Variants in GGACT observed in about 807,000 individuals in gnomAD.
GGACT encodes gamma-glutamylamine cyclotransferase, also known as gamma-glutamylaminecyclotransferase.
For synonymous variants in GGACT, 118 were observed against 115.3 expected (o/e 1.02, Z -0.15); for missense variants, 241 against 233.2 (o/e 1.03, Z -0.22).
At chr13:100,543,196 G>GTTTTTT (rs1566530390) in intron 2 of GGACT, among the ~76,000 whole-genome samples, 7 of 63,660 alleles carry the variant, frequency 1.1e-4, no homozygotes, top group Admixed American at 1.6e-4. Flanking sequence ...AAAGACACCA[G>GTTTTTT]CTTTTTTTTT....
intron 2 of GGACT, among the ~76,000 whole-genome samples, chr13:100,547,030 G>A (rs1003562679): frequency 2.0e-5 from 3 of 152,218 alleles, no homozygotes; most frequent in African/African-American, 7.2e-5. Context: ...TGGGCCTTCA[G>A]GCTGTTGGGA....
intron 2 of GGACT, among the ~76,000 whole-genome samples, chr13:100,554,400 T>G (rs1273869943): frequency 6.6e-6 from 1 of 152,130 alleles, no homozygotes; most frequent in Non-Finnish European, 1.5e-5. Context: ...TTTATTGCAT[T>G]AGAAAAAGTG....
chr13:100,543,688 T>G (rs1434712811), intron 2 of GGACT, among the ~76,000 whole-genome samples: 2 of 152,212 alleles, frequency 1.3e-5, no homozygotes, highest in African/African-American at 4.8e-5. Flanking sequence ...AGTTGGCAAG[T>G]TAAGACTTTG....
rs962543165 is a variant in GGACT at position 100,531,479 on chromosome 13, A to G, written c.*651T>C. ...TGGGTGTTCATTATTTTGCTAGATC[A>G]GAATGTAAAGAACCTTCTACCAAAT... On this transcript the variant is annotated 3_prime_UTR_variant, in exon 3 of 3. Transcript: ENST00000683975. 2.0e-5 allele frequency: 3 copies of G among 152,254 alleles called. No individual in the cohort carries two copies. Among genetic ancestry groups the G allele is most frequent in the African/African-American group, 7.2e-5 (3 of 41,468 alleles). The allele number at this position is 152,254 out of a possible 1,614,324, so 9.4% of individuals were successfully genotyped here. A position where few individuals can be genotyped will look rare whatever the true frequency, so the allele number is the denominator to read the frequency against.
rs944535111 is a variant in GGACT, at chr13:100,545,747, G to A, written c.-10-13146C>T. On this transcript the variant is annotated intron_variant, in intron 2 of 2. Coordinates refer to ENST00000683975, the MANE Select transcript of GGACT (RefSeq NM_001195087.2). This position sits in a 1 kb window ranked among gnomAD's most constrained non-coding sequence, Gnocchi z 4.4. Reference sequence around the variant, plus strand: ...GAGTGTGGGATCGTGGTAGACCCAGGGTGTGGGGCTTTCTGGCATTAGGGT... The same window carrying A: ...GAGTGTGGGATCGTGGTAGACCCAGAGTGTGGGGCTTTCTGGCATTAGGGT... 5.9e-5 allele frequency among the ~76,000 whole-genome samples: 9 copies of A among 152,206 alleles called. No homozygotes were observed. Among genetic ancestry groups the A allele is most frequent in the Non-Finnish European group, 1.0e-4 (7 of 68,032 alleles).
chr13:100,562,881 T>C (rs2088777824), intron 2 of GGACT, among the ~76,000 whole-genome samples: 1 of 151,312 alleles, frequency 6.6e-6, no homozygotes, highest in Non-Finnish European at 1.5e-5. Context: ...GAGTTCAAAC[T>C]CCTAACAACC....
chr13:100,575,212 T>G (rs1875213602), intron 2 of GGACT, among the ~76,000 whole-genome samples: 1 of 152,334 alleles, frequency 6.6e-6, no homozygotes, highest in South Asian at 2.1e-4. Flanking sequence ...GCCTATACCA[T>G]AGCAGTTAAC....
intron 2 of GGACT, among the ~76,000 whole-genome samples, chr13:100,550,449 CA>C: frequency 6.6e-6 from 1 of 151,416 alleles, no homozygotes; most frequent in Non-Finnish European, 1.5e-5. Flanking sequence ...CACACACACA[CA>C]CACACACACC....
chr13:100,559,507 A>G (rs997991423), intron 2 of GGACT, among the ~76,000 whole-genome samples: 1 of 149,464 alleles, frequency 6.7e-6, no homozygotes, highest in African/African-American at 2.5e-5. Context: ...ATTTTTATTT[A>G]TTTTTGAGAC....
chr13:100,574,641 T>G (rs1347627895), intron 2 of GGACT, among the ~76,000 whole-genome samples: 3 of 152,008 alleles, frequency 2.0e-5, no homozygotes, highest in Non-Finnish European at 2.9e-5. Flanking sequence ...TGAGCACACA[T>G]GGACATAAAC....
At chr13:100,576,470 C>A (rs1358785669) in intron 2 of GGACT, among the ~76,000 whole-genome samples, 1 of 152,222 alleles carries the variant, frequency 6.6e-6, no homozygotes, top group Non-Finnish European at 1.5e-5. Flanking sequence ...GAAAACTTTT[C>A]TTCAGATAAA....
At position 100,562,066 on chromosome 13, in the gene GGACT, T is replaced by A. The variant is rs185683773; in HGVS notation, c.-11+21759A>T. Among the ~76,000 whole-genome samples the A allele has an allele frequency of 1.5e-3, 235 of 152,308 alleles. 3 individuals are homozygous for A. The highest frequency in any genetic ancestry group is 5.5e-3 in the African/African-American group (227 of 41,580). On this transcript the variant is annotated intron_variant, in intron 2 of 2. Transcript: ENST00000683975. Reference sequence around the variant, plus strand: ...CAGCTCCTGGGTGACTCACTTTGCCTCACTGGGGTTTAGGTGCCTCTAAAT... The same window carrying A: ...CAGCTCCTGGGTGACTCACTTTGCCACACTGGGGTTTAGGTGCCTCTAAAT...
intron 2 of GGACT, chr13:100,539,606 A>C (rs1201305557): frequency 4.6e-6 from 2 of 435,250 alleles, no homozygotes; most frequent in South Asian, 8.1e-5. Context: ...TCTGTTTGCT[A>C]GTGTGTTGTT....
At chr13:100,563,625 G>A (rs1384769476) in intron 2 of GGACT, among the ~76,000 whole-genome samples, 1 of 152,196 alleles carries the variant, frequency 6.6e-6, no homozygotes, top group Non-Finnish European at 1.5e-5. Context: ...AGTCCAGCCT[G>A]AGCAACACAG....
intron 2 of GGACT, among the ~76,000 whole-genome samples, chr13:100,555,117 AT>A (rs1953583263): frequency 6.6e-6 from 1 of 152,228 alleles, no homozygotes; most frequent in Non-Finnish European, 1.5e-5. Flanking sequence ...AATAATACCA[AT>A]GTTTTCCAAT....
rs940222540 is a variant in GGACT, at chr13:100,532,402, C to G, written c.190G>C (p.Glu64Gln). 5 of 1,550,144 alleles carry G rather than the reference C, an allele frequency of 3.2e-6. No individual in the cohort carries two copies. The African/African-American group carries it at 6.8e-5, about 21-fold the overall frequency. ...LHLPGSGRLV[E>Q]GEVYAVDERM... ...TCGTCTACCGCGTAGACCTCGCCCT[C>G]CACGAGGCGCCCCGAGCCGGGCAGG... is the stretch of plus-strand genomic sequence containing the variant. Residue 64 changes from glutamate to glutamine, a missense_variant, in exon 3 of 3, where the codon GAG becomes CAG. Physicochemically the swap from Glu to Gln is conservative, Grantham distance 29 (BLOSUM62 2). Transcript: ENST00000683975.
rs570259168 is a variant in GGACT, at chr13:100,549,600, C to G, written c.-10-16999G>C. 5.9e-5 allele frequency among the ~76,000 whole-genome samples: 9 copies of G among 152,376 alleles called. No homozygotes were observed. The South Asian group carries it at 1.9e-3, about 32-fold the overall frequency. On this transcript the variant is annotated intron_variant, in intron 2 of 2. Coordinates refer to ENST00000683975, the MANE Select transcript of GGACT (RefSeq NM_001195087.2). ...GCTGGGTCAGGGCCCAGCCAGACTC[C>G]GCCTCCAGTGGGCTCTGTAAGGCAG... is the stretch of plus-strand genomic sequence containing the variant.
chr13:100,561,061 G>A (rs1353770219), intron 2 of GGACT, among the ~76,000 whole-genome samples: 1 of 152,144 alleles, frequency 6.6e-6, no homozygotes, highest in Non-Finnish European at 1.5e-5. Context: ...CCCGGCTCCT[G>A]ACTACATTCA....
At chr13:100,584,805 T>C (rs1188593199) in intron 1 of GGACT, among the ~76,000 whole-genome samples, 2 of 151,966 alleles carry the variant, frequency 1.3e-5, no homozygotes, top group Non-Finnish European at 2.9e-5. Flanking sequence ...AAAAGAACTA[T>C]TTGAGAAATA....
Sources: gnomAD v4.1 joint callset for allele counts (sites outside exome capture counted in the v4.1 genomes callset) on GRCh38, gnomAD v4.1.1 for gene constraint, Gnocchi (gnomAD v3.1) non-coding constraint, MANE v1.5 for transcripts, NCBI Gene and HGNC (gene_info 2026-07-23, HGNC 2026-07-21) for gene names.